Variants in SEPTIN12 observed in about 807,000 individuals in gnomAD.
The protein encoded by SEPTIN12 is septin 12, also known as septin-12.
SEPTIN12 carries 42 observed loss-of-function variants against 37.7 expected under a neutral mutation model. The observed-to-expected ratio is 1.11, with a 90% confidence interval of 0.87 to 1.44. SEPTIN12 has a LOEUF of 1.44. Ranked by LOEUF, SEPTIN12 falls within the 40% of genes most tolerant of loss-of-function variation. SEPTIN12 has a pLI of 0.00. For missense variants in SEPTIN12, 613 were observed against 479.2 expected (o/e 1.28, Z -2.61); for synonymous variants, 254 against 196.7 (o/e 1.29, Z -2.44).
chr16:4,787,759 C>T lies in SEPTIN12; in HGVS notation c.-22-92G>A, dbSNP rs565174007. The T allele has an allele frequency of 4.2e-4, 262 of 624,694 alleles. 4 individuals carry two copies. The highest frequency in any genetic ancestry group is 3.4e-3 in the South Asian group (178 of 51,834). 38.7% of individuals were successfully genotyped at this position (624,694 alleles called of 1,614,324 possible). On this transcript the variant is annotated intron_variant, in intron 1 of 9. Coordinates refer to ENST00000268231, the MANE Select transcript of SEPTIN12 (RefSeq NM_144605.5). Reference sequence around the variant, plus strand: ...ATCTGAACCCCTATTTGAGCTTGGCCGTTGGCCAACCCCCTCCACACTTCA... The same window carrying T: ...ATCTGAACCCCTATTTGAGCTTGGCTGTTGGCCAACCCCCTCCACACTTCA...
upstream of SEPTIN12, among the ~76,000 whole-genome samples, chr16:4,791,123 G>A (rs1242104367): frequency 1.3e-5 from 2 of 152,222 alleles, no homozygotes; most frequent in Non-Finnish European, 2.9e-5. Context: ...ACTTTCTCCA[G>A]GAAAATCCTC....
At chr16:4,785,673 G>T in intron 4 of SEPTIN12, 134 bp downstream of exon 4, 1 of 661,810 alleles carries the variant, frequency 1.5e-6, no homozygotes, top group Non-Finnish European at 2.6e-6. Context: ...GCTACTTCGG[G>T]AGGCTGAGGC....
chr16:4,788,925 C>G (rs2082503976), upstream of SEPTIN12, among the ~76,000 whole-genome samples: 1 of 152,178 alleles, frequency 6.6e-6, no homozygotes, highest in Non-Finnish European at 1.5e-5. Flanking sequence ...TAGAGGTTAT[C>G]ACCCTGACTT....
intron 7 of SEPTIN12, among the ~76,000 whole-genome samples, chr16:4,781,825 GGA>G (rs1027782863): frequency 1.3e-5 from 2 of 151,450 alleles, no homozygotes; most frequent in African/African-American, 2.4e-5. Flanking sequence ...TGTATTTTTA[GGA>G]GAGACGGGAT....
chr16:4,791,781 G>A (rs988822416), upstream of SEPTIN12, among the ~76,000 whole-genome samples: 1 of 152,052 alleles, frequency 6.6e-6, no homozygotes, highest in Non-Finnish European at 1.5e-5. Context: ...TCTGCCTCCC[G>A]GGTTCAAGTG....
intron 4 of SEPTIN12, among the ~76,000 whole-genome samples, chr16:4,784,884 T>C (rs1466423582): frequency 6.6e-6 from 1 of 151,916 alleles, no homozygotes; most frequent in African/African-American, 2.4e-5. Context: ...CTGAAGCAAG[T>C]GGATCACCTG....
At position 4,779,680 on chromosome 16, in the gene SEPTIN12, C is replaced by T. The variant is rs776598714; in HGVS notation, c.823+10G>A. The T allele has an allele frequency of 3.2e-6, 5 of 1,586,862 alleles. No homozygotes were observed. The Admixed American group carries it at 6.7e-5, about 21-fold the overall frequency. On this transcript the variant is annotated intron_variant, in intron 8 of 9. Transcript: ENST00000268231. ...CCCACCTGCATCCTACCCAGGGGCC[C>T]CGCACTGACCTTCAATGATGCCCCA...
At chr16:4,788,561 C>T (rs913220252), upstream of SEPTIN12, 1 of 152,218 alleles carries the variant, frequency 6.6e-6, no homozygotes, top group Non-Finnish European at 1.5e-5. Flanking sequence ...AAGCTGACGC[C>T]CTCAACCACT....
chr16:4,791,744 G>A (rs1287308961), upstream of SEPTIN12, among the ~76,000 whole-genome samples: 1 of 152,128 alleles, frequency 6.6e-6, no homozygotes, highest in Non-Finnish European at 1.5e-5. Context: ...CTGGAGTGCA[G>A]TGGCGAGATC....
In SEPTIN12 at chr16:4,777,635, G is replaced by C; in HGVS notation, c.*162C>G. Reference sequence around the variant, plus strand: ...AGAGTGACACCCAGCCTTTTTATTTGTGGATAGCTCAAAGAAGTCATTTAC... The same window carrying C: ...AGAGTGACACCCAGCCTTTTTATTTCTGGATAGCTCAAAGAAGTCATTTAC... On this transcript the variant is annotated 3_prime_UTR_variant, in exon 10 of 10. Coordinates refer to ENST00000268231, the MANE Select transcript of SEPTIN12 (RefSeq NM_144605.5). 1 of 608,144 alleles carries C rather than the reference G, an allele frequency of 1.6e-6. No homozygotes were observed. The highest frequency in any genetic ancestry group is 2.9e-6 in the Non-Finnish European group (1 of 347,534). The allele number at this position is 608,144 out of a possible 1,614,324, so 37.7% of individuals were successfully genotyped here.
chr16:4,782,097 CGTGCCACCACACGCAGCTA>C (rs761735194), intron 7 of SEPTIN12, among the ~76,000 whole-genome samples: 13 of 151,562 alleles, frequency 8.6e-5, no homozygotes, highest in Non-Finnish European at 1.2e-4. Context: ...ATTACAGGTG[CGTGCCACCACACGCAGCTA>C]ATTTTGTATT....
chr16:4,788,334 C>T lies in SEPTIN12; in HGVS notation c.-77G>A, dbSNP rs1401348397. 1.3e-5 allele frequency: 2 copies of T among 152,982 alleles called. No individual in the cohort carries two copies. Among genetic ancestry groups the T allele is most frequent in the Admixed American group, 1.3e-4 (2 of 15,314 alleles). The allele number at this position is 152,982 out of a possible 1,614,324, so 9.5% of individuals were successfully genotyped here. A position where few individuals can be genotyped will look rare whatever the true frequency, so the allele number is the denominator to read the frequency against. ...CAGGAGCTGCCTTGTCCTGGCAGGG[C>T]CTGGTGTGTGTGATGGGGGAGGGGA... On this transcript the variant is annotated 5_prime_UTR_variant, in exon 1 of 10. Coordinates refer to ENST00000268231, the MANE Select transcript of SEPTIN12 (RefSeq NM_144605.5).
upstream of SEPTIN12, among the ~76,000 whole-genome samples, chr16:4,790,840 G>A (rs142336708): frequency 3.0e-4 from 46 of 152,310 alleles, no homozygotes; most frequent in East Asian, 7.9e-3. Context: ...AGGCTTAGAG[G>A]TTAAGGGTGG....
At chr16:4,790,831 G>A (rs2082540038), upstream of SEPTIN12, among the ~76,000 whole-genome samples, 1 of 152,170 alleles carries the variant, frequency 6.6e-6, no homozygotes, top group Non-Finnish European at 1.5e-5. Flanking sequence ...AATAAATAAA[G>A]GCTTAGAGGT....
rs1204237696 is a variant in SEPTIN12, at chr16:4,786,125, G to A, written c.167-20C>T. On this transcript the variant is annotated intron_variant, in intron 2 of 9. Coordinates refer to ENST00000268231, the MANE Select transcript of SEPTIN12 (RefSeq NM_144605.5). The stretch of plus-strand genomic sequence containing the variant: ...TTTGCCCTGGGAGTGGCAACCGGAT[G>A]ACAGCAGTTAGGGTGGGCGTTTTAG... The A allele has an allele frequency of 6.3e-7, 1 of 1,586,848 alleles. No homozygotes were observed.
At chr16:4,782,277 C>A (rs948521728) in intron 7 of SEPTIN12, among the ~76,000 whole-genome samples, 2 of 152,028 alleles carry the variant, frequency 1.3e-5, no homozygotes, top group Non-Finnish European at 2.9e-5. Context: ...AAAGGGTGAA[C>A]TTCATTGCTT....
At chr16:4,779,523 G>A (rs943214427) in intron 8 of SEPTIN12, among the ~76,000 whole-genome samples, 167 bp downstream of exon 8, 3 of 152,166 alleles carry the variant, frequency 2.0e-5, no homozygotes, top group Non-Finnish European at 2.9e-5. Flanking sequence ...CAGAGGGTCC[G>A]GAAACTTGCC....
upstream of SEPTIN12, among the ~76,000 whole-genome samples, chr16:4,789,372 C>T (rs1217017433): frequency 6.6e-6 from 1 of 151,422 alleles, no homozygotes; most frequent in Non-Finnish European, 1.5e-5. Context: ...GTCACCCAGG[C>T]TGGAGTTTAG....
Position 4,783,976 on chromosome 16 carries a change from G to C in SEPTIN12, c.467C>G (p.Thr156Ser), listed in dbSNP as rs750991577. The C allele has an allele frequency of 8.1e-6, 13 of 1,614,194 alleles. No homozygotes were observed. The East Asian group carries it at 2.7e-4, about 33-fold the overall frequency. Reference protein sequence around the residue: ...LITRQRHIPDTRVHCCVYFVP... With the variant: ...LITRQRHIPDSRVHCCVYFVP... Reference sequence around the variant, plus strand: ...AAAGTACACGCAGCAGTGCACCCGGGTGTCTGGGATGTGGCGCTGGCGGGT... The same window carrying C: ...AAAGTACACGCAGCAGTGCACCCGGCTGTCTGGGATGTGGCGCTGGCGGGT... Residue 156 changes from threonine (T) to serine (S), a missense_variant, in exon 5 of 10, where the codon ACC (threonine) becomes AGC (serine). Transcript: ENST00000268231.
Sources: gnomAD v4.1 joint callset for allele counts (sites outside exome capture counted in the v4.1 genomes callset) on GRCh38, gnomAD v4.1.1 for gene constraint, MANE v1.5 for transcripts, NCBI Gene and HGNC (gene_info 2026-07-23, HGNC 2026-07-21) for gene names.